ADAM22: variants seen among roughly 807,000 people sequenced by gnomAD.
ADAM22 encodes the protein ADAM metallopeptidase domain 22.
ADAM22 carries 65 observed loss-of-function variants against 144.6 expected under a neutral mutation model. The ratio of observed to expected loss-of-function variants is 0.45; its 90% CI spans 0.37 to 0.55. The LOEUF is 0.55. Among genes scored for constraint, ADAM22 ranks in the 20% least tolerant of loss-of-function variants. ADAM22 has a pLI of 0.00. For missense variants in ADAM22, 974 were observed against 1,184.9 expected, an observed-to-expected ratio of 0.82 and a Z score of 2.61; for synonymous variants, 391 against 412.6, an observed-to-expected ratio of 0.95 and a Z score of 0.63.
At chr7:88,095,238 G>C (rs1394864417) in intron 4 of ADAM22, among the ~76,000 whole-genome samples, 5 of 152,106 alleles carry the variant, frequency 3.3e-5, no homozygotes, top group Non-Finnish European at 7.3e-5. Flanking sequence ...TGTGCCTCTA[G>C]ACTGTAAATT....
intron 3 of ADAM22, among the ~76,000 whole-genome samples, chr7:88,047,817 G>T (rs879152176): frequency 3.3e-5 from 5 of 152,148 alleles, no homozygotes; most frequent in African/African-American, 1.2e-4. Flanking sequence ...TTACACGTAT[G>T]CAGGGCACTG....
In ADAM22 at chr7:87,934,393, C is replaced by T; in HGVS notation, c.-73C>T. The T allele has an allele frequency of 6.9e-7, 1 of 1,454,502 alleles. No homozygotes were observed. The highest frequency in any genetic ancestry group is 9.3e-7 in the Non-Finnish European group (1 of 1,080,582). The allele number at this position is 1,454,502 out of a possible 1,614,324, so 90.1% of individuals were successfully genotyped here. A position where few individuals can be genotyped will look rare whatever the true frequency, so the allele number is the denominator to read the frequency against. ...CCGCGGGGACCCCGGGGGCGCGGAG[C>T]GAGGGAAACGGACTCGGCGGCGCCG... On this transcript the variant is annotated 5_prime_UTR_variant, in exon 1 of 32. Transcript: ENST00000413139.
chr7:87,962,531 C>T (rs375971337), intron 2 of ADAM22, among the ~76,000 whole-genome samples: 6 of 151,892 alleles, frequency 4.0e-5, no homozygotes, highest in South Asian at 2.1e-4. Flanking sequence ...GAATACAACA[C>T]GAAATTCTGT....
intron 31 of ADAM22, among the ~76,000 whole-genome samples, chr7:88,195,240 CAT>C (rs1850424666): frequency 6.6e-6 from 1 of 152,132 alleles, no homozygotes; most frequent in African/African-American, 2.4e-5. Flanking sequence ...TGCCTGGAAA[CAT>C]ATTTCATCAG....
intron 3 of ADAM22, among the ~76,000 whole-genome samples, chr7:88,030,332 A>G (rs1799950356): frequency 6.6e-6 from 1 of 152,020 alleles, no homozygotes; most frequent in Non-Finnish European, 1.5e-5. Flanking sequence ...TTTTAAAATT[A>G]TTTCAGTGTC....
At chr7:88,069,016 G>T (rs921103076) in intron 3 of ADAM22, among the ~76,000 whole-genome samples, 3 of 151,998 alleles carry the variant, frequency 2.0e-5, no homozygotes, top group Non-Finnish European at 4.4e-5. Context: ...GGCCATGAGG[G>T]CTGGCTGCAC....
chr7:87,990,673 T>C (rs1429680902), intron 3 of ADAM22, among the ~76,000 whole-genome samples: 1 of 152,154 alleles, frequency 6.6e-6, no homozygotes, highest in Non-Finnish European at 1.5e-5. Context: ...TTTTCTTCTT[T>C]TTTTTTTGAG....
intron 2 of ADAM22, among the ~76,000 whole-genome samples, chr7:87,948,064 T>A (rs1035359524): frequency 6.6e-6 from 1 of 152,214 alleles, no homozygotes; most frequent in African/African-American, 2.4e-5. Flanking sequence ...CTTTCTTTCA[T>A]CATCCCTCAA....
rs1040213287 is a variant in ADAM22, at chr7:88,065,741, G to A, written c.324-9885G>A. Among the ~76,000 whole-genome samples, 5 of 152,074 alleles carry A rather than the reference G, an allele frequency of 3.3e-5. 1 individual carries two copies. The highest frequency in any genetic ancestry group is 1.2e-4 in the African/African-American group (5 of 41,514). On this transcript the variant is annotated intron_variant, in intron 3 of 31. Coordinates refer to ENST00000413139, the MANE Select transcript of ADAM22 (RefSeq NM_001324418.2). ...TTTTAAATTGCTTTAAAATTTTTCA[G>A]TGTTTCACAATGATAGTGTATGGAA...
intron 3 of ADAM22, among the ~76,000 whole-genome samples, chr7:88,025,435 G>C (rs1259916822): frequency 6.6e-6 from 1 of 151,834 alleles, no homozygotes; most frequent in Non-Finnish European, 1.5e-5. Flanking sequence ...GGTATTACTG[G>C]TATTGCTCAC....
chr7:88,025,623 T>C (rs1798837479), intron 3 of ADAM22, among the ~76,000 whole-genome samples: 1 of 152,186 alleles, frequency 6.6e-6, no homozygotes, highest in Admixed American at 6.5e-5. Context: ...TTGAAGAAAC[T>C]ATCTTTTCCC....
intron 29 of ADAM22, among the ~76,000 whole-genome samples, chr7:88,185,564 A>C (rs1848103545): frequency 6.6e-6 from 1 of 152,122 alleles, no homozygotes; most frequent in Admixed American, 6.5e-5. Context: ...TGCTTTTTAA[A>C]TGAAAAAAAA....
At chr7:87,982,270 A>G (rs905293471) in intron 3 of ADAM22, among the ~76,000 whole-genome samples, 1 of 152,038 alleles carries the variant, frequency 6.6e-6, no homozygotes, top group African/African-American at 2.4e-5. Flanking sequence ...AATTTCAGAG[A>G]GTGACAGTGC....
intron 20 of ADAM22, 62 bp downstream of exon 20, chr7:88,151,382 C>T (rs1038011524): frequency 1.4e-5 from 23 of 1,587,778 alleles, no homozygotes; most frequent in Admixed American, 8.4e-5. Context: ...TTCTCAAGGA[C>T]GTGTGTGCTG....
At chr7:88,011,626 A>G (rs1795440089) in intron 3 of ADAM22, among the ~76,000 whole-genome samples, 1 of 152,022 alleles carries the variant, frequency 6.6e-6, no homozygotes, top group South Asian at 2.1e-4. Flanking sequence ...GAATATTAAT[A>G]GTTGGCAATA....
chr7:88,085,958 C>T (rs970383892), intron 4 of ADAM22, among the ~76,000 whole-genome samples: 10 of 152,122 alleles, frequency 6.6e-5, no homozygotes, highest in South Asian at 2.1e-4. Context: ...AGGGGGATCA[C>T]GACGTCAGGA....
Position 88,189,689 on chromosome 7 carries a change from T to TA in ADAM22, c.2750+2990dup, listed in dbSNP as rs544611613. Among the ~76,000 whole-genome samples, 102 of 152,328 alleles carry TA rather than the reference T, an allele frequency of 6.7e-4. 3 individuals carry two copies. Among genetic ancestry groups the TA allele is most frequent in the African/African-American group, 2.4e-3 (99 of 41,582 alleles). On this transcript the variant is annotated intron_variant, in intron 30 of 31. Transcript: ENST00000413139. ...GGCCAGGCGCAGTGGCTCACGCCTG[T>TA]AATCCCAGCACTTTGGGAGGCCAAG... is the stretch of plus-strand genomic sequence containing the variant.
intron 2 of ADAM22, among the ~76,000 whole-genome samples, chr7:87,954,770 T>C (rs1846209208): frequency 6.6e-6 from 1 of 152,236 alleles, no homozygotes; most frequent in Admixed American, 6.5e-5. Flanking sequence ...CCCATCACTT[T>C]CAGGTACACC....
chr7:88,171,321 A>C (rs1025712093), intron 25 of ADAM22, among the ~76,000 whole-genome samples: 1 of 151,934 alleles, frequency 6.6e-6, no homozygotes, highest in African/African-American at 2.4e-5. Flanking sequence ...TTAAAAGTGG[A>C]CAATTGTTTG....
Sources: allele counts gnomAD v4.1 joint callset (sites outside exome capture counted in the v4.1 genomes callset), GRCh38; gene constraint gnomAD v4.1.1; transcripts MANE v1.5; gene names NCBI Gene and HGNC (gene_info 2026-07-23, HGNC 2026-07-21).